LRRC4C: variants seen among roughly 807,000 people sequenced by gnomAD.
The protein encoded by LRRC4C is leucine rich repeat containing 4C.
Under a neutral mutation model 33.6 loss-of-function variants are expected in LRRC4C, and 5 were observed. The ratio of observed to expected loss-of-function variants is 0.15; its 90% confidence interval spans 0.08 to 0.31. LRRC4C has a LOEUF of 0.31. LRRC4C is among the 10% of genes least tolerant of loss of function. The pLI, the probability that LRRC4C is intolerant of heterozygous loss-of-function variation, is 1.00. For synonymous variants in LRRC4C, 329 were observed against 302.0 expected, an observed-to-expected ratio of 1.09 and a Z score of -0.93; for missense variants, 560 against 796.7, an observed-to-expected ratio of 0.70 and a Z score of 3.58.
intron 1 of LRRC4C, among the ~76,000 whole-genome samples, chr11:41,166,258 C>T (rs1394732220): frequency 1.3e-5 from 2 of 152,126 alleles, no homozygotes; most frequent in African/African-American, 2.4e-5. Context: ...GTCTTCAATG[C>T]CTGATAGCAC....
At chr11:40,783,008 C>G (rs942121569) in intron 2 of LRRC4C, among the ~76,000 whole-genome samples, 6 of 152,044 alleles carry the variant, frequency 3.9e-5, no homozygotes, top group African/African-American at 1.4e-4. Context: ...TATTTTTAGA[C>G]ATAAATACAA....
chr11:40,453,238 A>G (rs1049112758), intron 3 of LRRC4C, among the ~76,000 whole-genome samples: 5 of 152,202 alleles, frequency 3.3e-5, no homozygotes, highest in African/African-American at 1.2e-4. Flanking sequence ...AGCATGGGCA[A>G]ATAATTTAAC....
chr11:40,271,882 C>A (rs1942728654), intron 4 of LRRC4C, among the ~76,000 whole-genome samples: 1 of 152,132 alleles, frequency 6.6e-6, no homozygotes, highest in African/African-American at 2.4e-5. Flanking sequence ...TTGAATTGAA[C>A]CAGAGTGAGC....
intron 2 of LRRC4C, among the ~76,000 whole-genome samples, chr11:40,834,073 G>C (rs1326198659): frequency 6.6e-6 from 1 of 151,924 alleles, no homozygotes; most frequent in Non-Finnish European, 1.5e-5. Context: ...TTAATGAGCA[G>C]GACACAACTG....
At chr11:41,439,464 G>C (rs1339688043) in intron 1 of LRRC4C, among the ~76,000 whole-genome samples, 1 of 152,074 alleles carries the variant, frequency 6.6e-6, no homozygotes, top group Non-Finnish European at 1.5e-5. Context: ...GTTTTTCACA[G>C]AGGTTGTACT....
At chr11:41,028,490 T>C (rs114724038) in intron 1 of LRRC4C, among the ~76,000 whole-genome samples, 333 of 151,716 alleles carry the variant, frequency 2.2e-3, no homozygotes, top group African/African-American at 7.8e-3. Flanking sequence ...TACTTAACTT[T>C]AGCTTCTCTC....
intron 3 of LRRC4C, among the ~76,000 whole-genome samples, chr11:40,571,949 G>T (rs1218270692): frequency 6.6e-6 from 1 of 152,132 alleles, no homozygotes; most frequent in Non-Finnish European, 1.5e-5. Flanking sequence ...GGATGCAGCA[G>T]ATTACTTCCT....
intron 1 of LRRC4C, among the ~76,000 whole-genome samples, chr11:41,330,042 TGGAACTTGGCCAAGAAGG>T (rs1951244273): frequency 6.6e-6 from 1 of 152,222 alleles, no homozygotes; most frequent in Admixed American, 6.5e-5. Flanking sequence ...TTTGTTGGTT[TGGAACTTGGCCAAGAAGG>T]GTTCACCATT....
rs149238935 is a variant in LRRC4C, at chr11:40,734,731, A to T, written c.-406-86453T>A. Among the ~76,000 whole-genome samples, 31 of 152,306 alleles carry T rather than the reference A, an allele frequency of 2.0e-4. No individual in the cohort carries two copies. In the East Asian group the frequency reaches 2.7e-3, roughly 13 times the overall value. On this transcript the variant is annotated intron_variant, in intron 2 of 6. Transcript: ENST00000528697. ...AATCTAAAAAAAAAATCTCAAAGCCAGTTTGATCTCCAAGGATAATCCTGA... is the reference window on the plus strand; with the variant it reads ...AATCTAAAAAAAAAATCTCAAAGCCTGTTTGATCTCCAAGGATAATCCTGA...
intron 3 of LRRC4C, among the ~76,000 whole-genome samples, chr11:40,398,424 C>A (rs1190802710): frequency 6.6e-6 from 1 of 151,924 alleles, no homozygotes; most frequent in Non-Finnish European, 1.5e-5. Flanking sequence ...CACTGTGATC[C>A]AAATGCCTGT....
At chr11:40,458,533 A>G (rs1159854519) in intron 3 of LRRC4C, among the ~76,000 whole-genome samples, 2 of 152,066 alleles carry the variant, frequency 1.3e-5, no homozygotes, top group Non-Finnish European at 2.9e-5. Flanking sequence ...TTTCTTCATC[A>G]TCCGTGAAGT....
At chr11:41,370,049 G>A (rs537083125) in intron 1 of LRRC4C, among the ~76,000 whole-genome samples, 37 of 152,126 alleles carry the variant, frequency 2.4e-4, no homozygotes, top group African/African-American at 7.9e-4. Flanking sequence ...TCACTAAAAC[G>A]GAAAAGCATT....
At chr11:40,689,586 A>G (rs1283999923) in intron 2 of LRRC4C, among the ~76,000 whole-genome samples, 2 of 152,094 alleles carry the variant, frequency 1.3e-5, no homozygotes, top group Admixed American at 6.6e-5. Flanking sequence ...CCATTTTCCG[A>G]AAGAGTTGAA....
chr11:41,416,570 C>T (rs1039403108), intron 1 of LRRC4C, among the ~76,000 whole-genome samples: 7 of 151,928 alleles, frequency 4.6e-5, no homozygotes, highest in Admixed American at 2.0e-4. Context: ...CTTCATGTTA[C>T]GGACACTTTA....
At chr11:41,236,539 T>C (rs969960703) in intron 1 of LRRC4C, among the ~76,000 whole-genome samples, 3 of 151,888 alleles carry the variant, frequency 2.0e-5, no homozygotes, top group Non-Finnish European at 4.4e-5. Flanking sequence ...AGTCCAAATC[T>C]ATATACAGCG....
chr11:40,644,425 T>A (rs1281846836), intron 3 of LRRC4C, among the ~76,000 whole-genome samples: 2 of 152,190 alleles, frequency 1.3e-5, no homozygotes, highest in Non-Finnish European at 2.9e-5. Flanking sequence ...TCTGGCCATT[T>A]TTTCCCTCAA....
chr11:41,282,264 G>A (rs1565545029), intron 1 of LRRC4C, among the ~76,000 whole-genome samples: 1 of 152,192 alleles, frequency 6.6e-6, no homozygotes, highest in Non-Finnish European at 1.5e-5. Flanking sequence ...GAGTTATTTT[G>A]AGGTGCAAGT....
At chr11:40,192,109 T>A (rs1861892183) in intron 5 of LRRC4C, among the ~76,000 whole-genome samples, 1 of 152,168 alleles carries the variant, frequency 6.6e-6, no homozygotes, top group African/African-American at 2.4e-5. Context: ...CAAAATATCA[T>A]ATCAATATTT....
At chr11:40,915,333 G>T (rs1462078903) in intron 2 of LRRC4C, among the ~76,000 whole-genome samples, 1 of 152,084 alleles carries the variant, frequency 6.6e-6, no homozygotes, top group Non-Finnish European at 1.5e-5. Flanking sequence ...GCATGGTACT[G>T]GTACCAAAAC....
Sources: allele counts gnomAD v4.1 joint callset (sites outside exome capture counted in the v4.1 genomes callset), GRCh38; gene constraint gnomAD v4.1.1; transcripts MANE v1.5; gene names NCBI Gene and HGNC (gene_info 2026-07-23, HGNC 2026-07-21).